The following RAD54L2 variants were observed in gnomAD, a reference collection of about 807,000 sequenced individuals.
The protein encoded by RAD54L2 is helicase ARIP4.
A neutral mutation model predicts 138.4 loss-of-function variants in RAD54L2; 27 were observed. The ratio of observed to expected loss-of-function variants is 0.20; its 90% confidence interval spans 0.14 to 0.27. The LOEUF is 0.27. Among genes scored for constraint, RAD54L2 ranks in the 10% least tolerant of loss-of-function variants. RAD54L2 has a pLI of 1.00. For missense variants in RAD54L2, 1,396 were observed against 1,890.2 expected (o/e 0.74, Z 4.85); for synonymous variants, 644 against 723.2 (o/e 0.89, Z 1.76).
chr3:51,666,630 G>C lies in RAD54L2; in HGVS notation c.*3210G>C, dbSNP rs1701918164. 6.6e-6 allele frequency: 1 copy of C among 152,176 alleles called. No homozygotes were observed. Among genetic ancestry groups the C allele is most frequent in the Non-Finnish European group, 1.5e-5 (1 of 68,030 alleles). The allele number at this position is 152,176 out of a possible 1,614,324, so 9.4% of individuals were successfully genotyped here. A position where few individuals can be genotyped will look rare whatever the true frequency, so the allele number is the denominator to read the frequency against. ...CTTAATATATTTGTAGATAAAAATT[G>C]AACAGGGACAAAGTAGCTATTTAAG... On this transcript the variant is annotated 3_prime_UTR_variant, in exon 23 of 23. Coordinates refer to ENST00000684192, the MANE Select transcript of RAD54L2 (RefSeq NM_015106.4).
chr3:51,575,490 T>G (rs965976053), intron 2 of RAD54L2, among the ~76,000 whole-genome samples: 1 of 152,216 alleles, frequency 6.6e-6, no homozygotes, highest in African/African-American at 2.4e-5. Flanking sequence ...GCATGGAATG[T>G]TCTTCCATTT....
At chr3:51,546,684 G>A (rs1399098393) in intron 2 of RAD54L2, among the ~76,000 whole-genome samples, 4 of 151,864 alleles carry the variant, frequency 2.6e-5, no homozygotes, top group African/African-American at 9.7e-5. Flanking sequence ...AAATTTAGCA[G>A]TAGCTGTTAA....
intron 2 of RAD54L2, among the ~76,000 whole-genome samples, chr3:51,547,032 T>A (rs1364077618): frequency 1.3e-5 from 2 of 150,812 alleles, no homozygotes; most frequent in Admixed American, 6.6e-5. Context: ...TGACTCTGTC[T>A]TTAAACAAAA....
At chr3:51,558,135 C>T (rs918353311) in intron 2 of RAD54L2, among the ~76,000 whole-genome samples, 126 of 152,112 alleles carry the variant, frequency 8.3e-4, no homozygotes, top group African/African-American at 2.8e-3. Context: ...TGTGAGCCAC[C>T]GCCCCTGGCC....
chr3:51,648,629 T>C (rs1272466565), intron 19 of RAD54L2, among the ~76,000 whole-genome samples: 1 of 152,202 alleles, frequency 6.6e-6, no homozygotes, highest in Non-Finnish European at 1.5e-5. Flanking sequence ...ATATTTGCTG[T>C]TCTGCAGCCT....
intron 2 of RAD54L2, among the ~76,000 whole-genome samples, chr3:51,556,266 T>A (rs1267258169): frequency 6.6e-6 from 1 of 152,090 alleles, no homozygotes; most frequent in Non-Finnish European, 1.5e-5. Context: ...TCCTTACCAA[T>A]TGCCTTTTTT....
At position 51,630,846 on chromosome 3, in the gene RAD54L2, G is replaced by A. The variant is rs143583396; in HGVS notation, c.740G>A (p.Arg247Gln). Residue 247 changes from arginine (R) to glutamine (Q), a missense_variant, in exon 7 of 23, where the codon CGG becomes CAG. Physicochemically the swap from Arg to Gln is conservative, Grantham distance 43. This residue lies in a region of RAD54L2 where 256 missense variants were observed against 344.6 expected (regional missense o/e 0.74). Transcript: ENST00000684192. ...TTAAACCAGCGTGACGCCCTTGGGC[G>A]GGTCCTTGTCAACCTAAACCACCCT... ...DVLNQRDALGRVLVNLNHPPE... is the reference protein window; with the variant it reads ...DVLNQRDALGQVLVNLNHPPE... 9.9e-6 allele frequency: 16 copies of A among 1,613,930 alleles called. No homozygotes were observed. Among genetic ancestry groups the A allele is most frequent in the Middle Eastern group, 1.6e-4 (1 of 6,074 alleles).
intron 2 of RAD54L2, among the ~76,000 whole-genome samples, chr3:51,576,591 C>T (rs1041669221): frequency 4.6e-5 from 7 of 151,924 alleles, no homozygotes; most frequent in East Asian, 1.9e-4. Context: ...TGGATGGGTC[C>T]GGGAATTTAT....
chr3:51,662,651 G>A lies in RAD54L2; in HGVS notation c.3635G>A (p.Ser1212Asn). 4 of 1,613,368 alleles carry A rather than the reference G, an allele frequency of 2.5e-6. No homozygotes were observed. The highest frequency in any genetic ancestry group is 2.2e-5 in the East Asian group (1 of 44,860). The change falls in exon 23 of 23, where the codon AGC becomes AAC. Residue 1212 changes from serine to asparagine, a missense_variant. Ser to Asn is a conservative substitution (Grantham distance 46). This residue lies in a region of RAD54L2 where 634 missense variants were observed against 711.2 expected (regional missense o/e 0.89). Coordinates refer to ENST00000684192, the MANE Select transcript of RAD54L2 (RefSeq NM_015106.4). This position sits in a 1 kb window ranked among gnomAD's most constrained non-coding sequence, Gnocchi z 4.6. ...GGCCCCCCGGCCCAACTTATGGACA[G>A]CAGTGCTGTTCCCGGGACAGCTCTC... ...LPGPPAQLMD[S>N]SAVPGTALGT...
intron 3 of RAD54L2, among the ~76,000 whole-genome samples, chr3:51,603,498 T>C (rs1461415365): frequency 1.3e-5 from 2 of 151,964 alleles, no homozygotes; most frequent in Admixed American, 6.6e-5. Flanking sequence ...TCCTAGCTAC[T>C]TGGGAGACTG....
chr3:51,667,903 T>C lies in RAD54L2; in HGVS notation c.*4483T>C, dbSNP rs1701944177. On this transcript the variant is annotated 3_prime_UTR_variant, in exon 23 of 23. Coordinates refer to ENST00000684192, the MANE Select transcript of RAD54L2 (RefSeq NM_015106.4). The stretch of plus-strand genomic sequence containing the variant: ...GTCTATTTGACATAGTAATCTAGTG[T>C]GTTGGGGAGGGGTAGCCAAGCAGGC... The C allele has an allele frequency of 6.6e-6, 1 of 152,114 alleles. No individual in the cohort carries two copies. Among genetic ancestry groups the C allele is most frequent in the East Asian group, 1.9e-4 (1 of 5,188 alleles). The allele number at this position is 152,114 out of a possible 1,614,324, so 9.4% of individuals were successfully genotyped here. A position where few individuals can be genotyped will look rare whatever the true frequency, so the allele number is the denominator to read the frequency against.
chr3:51,658,078 C>T (rs924437754), intron 21 of RAD54L2, among the ~76,000 whole-genome samples: 3 of 151,716 alleles, frequency 2.0e-5, no homozygotes, highest in Admixed American at 1.3e-4. Context: ...GCATGCGCCA[C>T]CACGCACAGC....
At chr3:51,539,066 G>A (rs962900668) in intron 1 of RAD54L2, among the ~76,000 whole-genome samples, 151 bp downstream of exon 1, 1 of 152,190 alleles carries the variant, frequency 6.6e-6, no homozygotes, top group Non-Finnish European at 1.5e-5. Flanking sequence ...GGGGCACGGG[G>A]TCCCCCACCC....
At chr3:51,556,011 C>A (rs1462693736) in intron 2 of RAD54L2, among the ~76,000 whole-genome samples, 6 of 152,122 alleles carry the variant, frequency 3.9e-5, no homozygotes, top group African/African-American at 1.2e-4. Flanking sequence ...TCAATCCAAC[C>A]CGTTCCAATT....
intron 3 of RAD54L2, among the ~76,000 whole-genome samples, chr3:51,592,827 G>A (rs563314130): frequency 2.0e-5 from 3 of 152,092 alleles, no homozygotes; most frequent in South Asian, 4.2e-4. Context: ...CACCTGCCTC[G>A]GCTTCCCAAA....
At position 51,593,041 on chromosome 3, in the gene RAD54L2, G is replaced by A. The variant is rs534709073; in HGVS notation, c.139+2482G>A. On this transcript the variant is annotated intron_variant, in intron 3 of 22. Transcript: ENST00000684192. ...TATGAATAATCTAGTTTTAGTTGGT[G>A]TAGTGTGATGTGGCCCTTTTGTTTT... Among the ~76,000 whole-genome samples, 4 of 152,266 alleles carry A rather than the reference G, an allele frequency of 2.6e-5. No individual in the cohort carries two copies. The East Asian group carries it at 7.7e-4, about 29-fold the overall frequency.
At chr3:51,570,655 CCATGTTGG>C (rs1699319782) in intron 2 of RAD54L2, among the ~76,000 whole-genome samples, 1 of 151,448 alleles carries the variant, frequency 6.6e-6, no homozygotes, top group Non-Finnish European at 1.5e-5. Context: ...CGGGATTTCA[CCATGTTGG>C]CCAGGATGGT....
chr3:51,565,890 G>A (rs1412944750), intron 2 of RAD54L2, among the ~76,000 whole-genome samples: 4 of 147,258 alleles, frequency 2.7e-5, no homozygotes, highest in Admixed American at 1.4e-4. Context: ...GTGCTGTGGC[G>A]CGATCTCAGC....
chr3:51,592,070 T>G (rs865843172), intron 3 of RAD54L2, among the ~76,000 whole-genome samples: 5,649 of 132,956 alleles, frequency 0.042, 150 homozygotes, highest in Non-Finnish European at 0.062. Flanking sequence ...TTTTTTTTTT[T>G]TTTTTTTTTT....
Sources: gnomAD v4.1 joint callset for allele counts (sites outside exome capture counted in the v4.1 genomes callset) on GRCh38, gnomAD v4.1.1 for gene constraint, gnomAD v4.1.1 regional missense constraint, Gnocchi (gnomAD v3.1) non-coding constraint, MANE v1.5 for transcripts, NCBI Gene and HGNC (gene_info 2026-07-23, HGNC 2026-07-21) for gene names.